CNTN5: variants seen among roughly 807,000 people sequenced by gnomAD.
CNTN5 encodes the protein contactin-5.
A neutral mutation model predicts 129.1 loss-of-function variants in CNTN5; 77 were observed. The observed-to-expected ratio is 0.60, with a 90% CI of 0.50 to 0.72. The LOEUF (loss-of-function observed/expected upper bound fraction) is 0.72, where lower values mean the gene tolerates loss of function less well. Ranked by LOEUF, CNTN5 falls within the 30% of genes least tolerant of loss-of-function variation. CNTN5 has a pLI of 0.00. For synonymous variants in CNTN5, 509 were observed against 465.6 expected, an observed-to-expected ratio of 1.09 and a Z score of -1.20; for missense variants, 1,478 against 1,328.8, an observed-to-expected ratio of 1.11 and a Z score of -1.75.
intron 9 of CNTN5, among the ~76,000 whole-genome samples, chr11:100,035,077 C>T (rs892038493): frequency 2.0e-5 from 3 of 152,084 alleles, no homozygotes; most frequent in African/African-American, 7.2e-5. Context: ...CCCATTAACT[C>T]GTCATTTAGC....
intron 1 of CNTN5, among the ~76,000 whole-genome samples, chr11:99,203,251 T>C (rs1302703896): frequency 6.6e-6 from 1 of 152,174 alleles, no homozygotes; most frequent in East Asian, 1.9e-4. Context: ...TGCAATCATG[T>C]TGGTATTTAT....
chr11:99,359,435 T>G (rs1938942127), intron 2 of CNTN5, among the ~76,000 whole-genome samples: 1 of 152,054 alleles, frequency 6.6e-6, no homozygotes, highest in Admixed American at 6.5e-5. Flanking sequence ...TATATTAATT[T>G]TAGGGGGACA....
At chr11:99,707,359 A>T (rs1565446787) in intron 3 of CNTN5, among the ~76,000 whole-genome samples, 1 of 151,620 alleles carries the variant, frequency 6.6e-6, no homozygotes, top group East Asian at 1.9e-4. Context: ...ACCTAAAAAA[A>T]TAATAATTAA....
rs535469669 is a variant in CNTN5, at chr11:99,887,175, C to T, written c.578-28879C>T. Among the ~76,000 whole-genome samples, 6 of 152,252 alleles carry T rather than the reference C, an allele frequency of 3.9e-5. No individual in the cohort carries two copies. In the East Asian group the frequency reaches 9.6e-4, roughly 24 times the overall value. On this transcript the variant is annotated intron_variant, in intron 6 of 24. Coordinates refer to ENST00000524871, the MANE Select transcript of CNTN5 (RefSeq NM_014361.4). ...TTCATGTGAGTTGGACATGCATCTGCACTTTCTCTCATCCTGCTTTCCCTA... is the reference window on the plus strand; with the variant it reads ...TTCATGTGAGTTGGACATGCATCTGTACTTTCTCTCATCCTGCTTTCCCTA...
At chr11:100,100,507 A>ATTCT (rs561391733) in intron 13 of CNTN5, among the ~76,000 whole-genome samples, 387 of 152,116 alleles carry the variant, frequency 2.5e-3, no homozygotes, top group Non-Finnish European at 4.3e-3. Flanking sequence ...AAAGTATTCA[A>ATTCT]TTCTTTGTCT....
At chr11:100,179,581 T>C (rs1272056704) in intron 13 of CNTN5, among the ~76,000 whole-genome samples, 2 of 151,872 alleles carry the variant, frequency 1.3e-5, no homozygotes, top group East Asian at 3.9e-4. Flanking sequence ...GGAGGAAAAA[T>C]GTGAAAAACC....
intron 2 of CNTN5, among the ~76,000 whole-genome samples, chr11:99,421,341 A>T (rs767574036): frequency 6.6e-6 from 1 of 152,202 alleles, no homozygotes; most frequent in Non-Finnish European, 1.5e-5. Context: ...TTCAATGACC[A>T]GTGCTCTAAT....
intron 1 of CNTN5, among the ~76,000 whole-genome samples, chr11:99,209,422 G>A (rs1859652284): frequency 6.6e-6 from 1 of 152,060 alleles, no homozygotes; most frequent in African/African-American, 2.4e-5. Flanking sequence ...CACATGGCGA[G>A]ACCAGGAGCA....
At chr11:99,544,257 C>T (rs1414089138) in intron 2 of CNTN5, among the ~76,000 whole-genome samples, 2 of 152,060 alleles carry the variant, frequency 1.3e-5, no homozygotes, top group Non-Finnish European at 2.9e-5. Flanking sequence ...AAATATCTAC[C>T]CTCAAGATCC....
chr11:99,199,836 G>T (rs1348493180), intron 1 of CNTN5, among the ~76,000 whole-genome samples: 1 of 152,178 alleles, frequency 6.6e-6, no homozygotes, highest in Non-Finnish European at 1.5e-5. Flanking sequence ...TGGATTCGGG[G>T]AGAGGTGAAG....
At position 99,819,664 on chromosome 11, in the gene CNTN5, TA is replaced by T. The variant is rs768210733; in HGVS notation, c.177del (p.Gly60GlufsTer3). 2.5e-6 allele frequency: 4 copies of T among 1,612,868 alleles called. No individual in the cohort carries two copies. Among genetic ancestry groups the T allele is most frequent in the Non-Finnish European group, 3.4e-6 (4 of 1,179,842 alleles). ...AGACCACGATACAGCAGCCCTTCATTAGGAACACTGAGTGCTTCTTCACCCA... is the reference window on the plus strand; with the variant it reads ...AGACCACGATACAGCAGCCCTTCATTGGAACACTGAGTGCTTCTTCACCCA... ...KTRPRYSSPS[L>X]GTLSASSPSW... is the part of the protein sequence containing the mutation. On this transcript the variant is annotated frameshift_variant, in exon 4 of 25. Coordinates refer to ENST00000524871, the MANE Select transcript of CNTN5 (RefSeq NM_014361.4). LOFTEE classifies it high-confidence loss of function.
chr11:99,182,006 G>A (rs1270307754), intron 1 of CNTN5, among the ~76,000 whole-genome samples: 1 of 152,084 alleles, frequency 6.6e-6, no homozygotes, highest in African/African-American at 2.4e-5. Flanking sequence ...CATACATTAT[G>A]ATGCCTCTCA....
chr11:99,159,133 A>G (rs1271727735), intron 1 of CNTN5, among the ~76,000 whole-genome samples: 1 of 152,190 alleles, frequency 6.6e-6, no homozygotes, highest in Non-Finnish European at 1.5e-5. Flanking sequence ...ACTACATTGG[A>G]TAATGCTTGT....
intron 3 of CNTN5, among the ~76,000 whole-genome samples, chr11:99,676,776 A>G (rs1356492505): frequency 6.6e-5 from 10 of 152,316 alleles, no homozygotes; most frequent in Admixed American, 2.0e-4. Context: ...AAATAAATCT[A>G]TACAACAAAG....
At chr11:100,216,571 T>G (rs1949142849) in intron 15 of CNTN5, among the ~76,000 whole-genome samples, 1 of 151,862 alleles carries the variant, frequency 6.6e-6, no homozygotes, top group Non-Finnish European at 1.5e-5. Flanking sequence ...AAAATTTTCT[T>G]GATACTAGAT....
intron 1 of CNTN5, among the ~76,000 whole-genome samples, chr11:99,227,791 C>T (rs1463548727): frequency 1.3e-5 from 2 of 152,018 alleles, no homozygotes; most frequent in African/African-American, 2.4e-5. Flanking sequence ...GCAAGAGGAA[C>T]AATATATAAT....
intron 2 of CNTN5, among the ~76,000 whole-genome samples, chr11:99,444,740 TATATGC>T (rs1475145239): frequency 9.2e-5 from 14 of 152,094 alleles, no homozygotes; most frequent in Non-Finnish European, 1.8e-4. Flanking sequence ...CCTGTGTGTA[TATATGC>T]ATCTATATAT....
At chr11:99,990,009 C>G (rs1348870065) in intron 8 of CNTN5, among the ~76,000 whole-genome samples, 1 of 152,174 alleles carries the variant, frequency 6.6e-6, no homozygotes, top group Non-Finnish European at 1.5e-5. Context: ...TCATGATATG[C>G]CCGCCTCAGC....
At chr11:99,767,246 A>C (rs1944785865) in intron 3 of CNTN5, among the ~76,000 whole-genome samples, 1 of 152,240 alleles carries the variant, frequency 6.6e-6, no homozygotes, top group Middle Eastern at 3.4e-3. Context: ...AAATATTGAT[A>C]AAAAAGAAAT....
Sources: gnomAD v4.1 joint callset for allele counts (sites outside exome capture counted in the v4.1 genomes callset) on GRCh38, gnomAD v4.1.1 for gene constraint, MANE v1.5 for transcripts, NCBI Gene and HGNC (gene_info 2026-07-23, HGNC 2026-07-21) for gene names.